ARHGAP24: variants seen among roughly 807,000 people sequenced by gnomAD.
The protein encoded by ARHGAP24 is Rho GTPase activating protein 24.
Under a neutral mutation model 76.4 loss-of-function variants are expected in ARHGAP24, and 50 were observed. The ratio of observed to expected loss-of-function variants is 0.65; its 90% CI spans 0.52 to 0.83. ARHGAP24 has a LOEUF of 0.83. Among genes scored for constraint, ARHGAP24 ranks in the 40% least tolerant of loss-of-function variants. The pLI is 0.00. For missense variants in ARHGAP24, 930 were observed against 914.2 expected, an observed-to-expected ratio of 1.02 and a Z score of -0.22; for synonymous variants, 345 against 323.3, an observed-to-expected ratio of 1.07 and a Z score of -0.72.
chr4:85,824,694 A>G (rs1341840062), intron 3 of ARHGAP24, among the ~76,000 whole-genome samples: 2 of 152,236 alleles, frequency 1.3e-5, no homozygotes, highest in Non-Finnish European at 2.9e-5. Flanking sequence ...CCAAGAGGAA[A>G]AAAAAACAAC....
At chr4:85,507,709 G>A (rs2110103484) in intron 1 of ARHGAP24, among the ~76,000 whole-genome samples, 1 of 152,282 alleles carries the variant, frequency 6.6e-6, no homozygotes, top group South Asian at 2.1e-4. Flanking sequence ...CATGGTAAGT[G>A]AAAGGACTTG....
intron 1 of ARHGAP24, among the ~76,000 whole-genome samples, chr4:85,480,575 A>G (rs187581370): frequency 3.3e-5 from 5 of 152,218 alleles, no homozygotes; most frequent in Admixed American, 2.6e-4. Flanking sequence ...TTCTTGATAC[A>G]ATTAGTTAAA....
chr4:85,627,259 TG>T (rs146692206), intron 2 of ARHGAP24, among the ~76,000 whole-genome samples: 3,678 of 152,240 alleles, frequency 0.024, 144 homozygotes, highest in African/African-American at 0.083. Context: ...TTGGTGTGAA[TG>T]TCCTTTCTTT....
intron 1 of ARHGAP24, among the ~76,000 whole-genome samples, chr4:85,536,157 C>T (rs9996146): frequency 6.6e-6 from 1 of 151,882 alleles, no homozygotes; most frequent in Admixed American, 6.6e-5. Flanking sequence ...AAAGGACATG[C>T]TAATTACTCT....
At chr4:85,658,172 A>G (rs561127560) in intron 2 of ARHGAP24, among the ~76,000 whole-genome samples, 1 of 152,350 alleles carries the variant, frequency 6.6e-6, no homozygotes, top group Admixed American at 6.5e-5. Context: ...TTAATGTTGA[A>G]TAAAGTATCT....
chr4:85,501,849 G>A (rs191737161), intron 1 of ARHGAP24, among the ~76,000 whole-genome samples: 57 of 152,042 alleles, frequency 3.7e-4, no homozygotes, highest in Non-Finnish European at 4.4e-4. Flanking sequence ...GGTTTTTATG[G>A]TTTTAGGTCT....
chr4:85,798,050 C>T (rs1728437415), intron 3 of ARHGAP24, among the ~76,000 whole-genome samples: 1 of 100,846 alleles, frequency 9.9e-6, no homozygotes, highest in African/African-American at 3.3e-5. Context: ...TTAGTCAAAT[C>T]CCTTGAGTTT....
At chr4:85,934,203 C>T (rs1283874130) in intron 4 of ARHGAP24, among the ~76,000 whole-genome samples, 1 of 152,160 alleles carries the variant, frequency 6.6e-6, no homozygotes, top group South Asian at 2.1e-4. Context: ...TTTTATGATC[C>T]CCTATTGCTC....
intron 1 of ARHGAP24, among the ~76,000 whole-genome samples, chr4:85,553,026 C>T (rs1381211548): frequency 2.6e-5 from 4 of 152,048 alleles, no homozygotes; most frequent in African/African-American, 7.2e-5. Context: ...TTGCTCATTC[C>T]TCCCGGTGGA....
At chr4:85,841,448 G>GGAATTGTAGA (rs1730591773) in intron 3 of ARHGAP24, among the ~76,000 whole-genome samples, 1 of 152,116 alleles carries the variant, frequency 6.6e-6, no homozygotes, top group African/African-American at 2.4e-5. Context: ...CTATGAAATG[G>GGAATTGTAGA]GAATTGTAGA....
chr4:85,889,307 G>T (rs1733748324), intron 3 of ARHGAP24, among the ~76,000 whole-genome samples: 1 of 152,080 alleles, frequency 6.6e-6, no homozygotes, highest in Non-Finnish European at 1.5e-5. Context: ...AGAGAGAGAG[G>T]CAGAATTCCT....
At chr4:85,788,499 C>T (rs918918951) in intron 3 of ARHGAP24, among the ~76,000 whole-genome samples, 16 of 152,026 alleles carry the variant, frequency 1.1e-4, no homozygotes, top group African/African-American at 3.4e-4. Context: ...GCTTGAAATA[C>T]GAAGTGTAGG....
chr4:85,937,198 G>A (rs553922434), intron 4 of ARHGAP24, among the ~76,000 whole-genome samples: 1 of 152,152 alleles, frequency 6.6e-6, no homozygotes, highest in Non-Finnish European at 1.5e-5. Context: ...CTAATGCAGT[G>A]GTAAGGAGCT....
At chr4:85,666,573 G>A (rs1163679012) in intron 2 of ARHGAP24, among the ~76,000 whole-genome samples, 2 of 152,154 alleles carry the variant, frequency 1.3e-5, no homozygotes, top group Non-Finnish European at 2.9e-5. Flanking sequence ...GAGGCACTCT[G>A]CTTGTTAGAG....
intron 1 of ARHGAP24, among the ~76,000 whole-genome samples, chr4:85,508,092 A>G (rs1266684354): frequency 6.6e-6 from 1 of 151,854 alleles, no homozygotes; most frequent in African/African-American, 2.4e-5. Context: ...TAACAGATTC[A>G]GATTTTTGAA....
intron 3 of ARHGAP24, among the ~76,000 whole-genome samples, chr4:85,731,179 A>G (rs974917958): frequency 1.7e-5 from 1 of 57,508 alleles, no homozygotes; most frequent in South Asian, 6.0e-4. Flanking sequence ...TCTTATACCA[A>G]TAAGAATATG....
chr4:85,510,912 TAA>T (rs1724258119), intron 1 of ARHGAP24, among the ~76,000 whole-genome samples: 1 of 151,348 alleles, frequency 6.6e-6, no homozygotes, highest in Non-Finnish European at 1.5e-5. Context: ...TCTGCTCTGG[TAA>T]AATGCTGGCT....
At chr4:85,545,144 G>C (rs1450389697) in intron 1 of ARHGAP24, among the ~76,000 whole-genome samples, 3 of 151,684 alleles carry the variant, frequency 2.0e-5, no homozygotes, top group Non-Finnish European at 2.9e-5. Context: ...TTGTCGCCCA[G>C]GCTGGAATGC....
chr4:85,661,084 GA>G (rs1348354367), intron 2 of ARHGAP24, among the ~76,000 whole-genome samples: 1 of 152,154 alleles, frequency 6.6e-6, no homozygotes, highest in Non-Finnish European at 1.5e-5. Context: ...TACAAACTTA[GA>G]AAAGTCATTA....
Sources: allele counts gnomAD v4.1 joint callset (sites outside exome capture counted in the v4.1 genomes callset), GRCh38; gene constraint gnomAD v4.1.1; transcripts MANE v1.5; gene names NCBI Gene and HGNC (gene_info 2026-07-23, HGNC 2026-07-21).